Variants in COPS7A observed in about 807,000 individuals in gnomAD.
COPS7A encodes the protein COP9 signalosome complex subunit 7a.
COPS7A carries 20 observed loss-of-function variants against 35.2 expected under a neutral mutation model. That is an observed-to-expected ratio of 0.57 (90% CI 0.40 to 0.83). The LOEUF (loss-of-function observed/expected upper bound fraction) is 0.83. COPS7A is among the 40% of genes least tolerant of loss of function. The pLI, the probability that COPS7A is intolerant of heterozygous loss-of-function variation, is 0.00. For missense variants in COPS7A, 247 were observed against 347.5 expected, an observed-to-expected ratio of 0.71 and a Z score of 2.30; for synonymous variants, 139 against 141.4, an observed-to-expected ratio of 0.98 and a Z score of 0.12.
chr12:6,727,182 C>G (rs1362685697), intron 2 of COPS7A, among the ~76,000 whole-genome samples: 1 of 151,942 alleles, frequency 6.6e-6, no homozygotes, highest in Non-Finnish European at 1.5e-5. Context: ...ACTAAAAATA[C>G]AAAAATTAGC....
chr12:6,727,684 T>C (rs1941291290), intron 2 of COPS7A: 2 of 644,898 alleles, frequency 3.1e-6, no homozygotes, highest in South Asian at 3.0e-5. Flanking sequence ...AGGAATTGGA[T>C]GACGTATGGA....
rs941127841 is a variant in COPS7A at position 6,729,684 on chromosome 12, T to C, written c.530+235T>C. Among the ~76,000 whole-genome samples, 7 of 152,136 alleles carry C rather than the reference T, an allele frequency of 4.6e-5. No homozygotes were observed. Among genetic ancestry groups the C allele is most frequent in the African/African-American group, 1.7e-4 (7 of 41,422 alleles). ...GTTGGGGGAGGAAAAGGGAGTGGTATACTTAAGGGGATCCTAACCAGCAAG... is the reference window on the plus strand; with the variant it reads ...GTTGGGGGAGGAAAAGGGAGTGGTACACTTAAGGGGATCCTAACCAGCAAG... On this transcript the variant is annotated intron_variant, in intron 5 of 7. Coordinates refer to ENST00000543155, the MANE Select transcript of COPS7A (RefSeq NM_001164094.2). The surrounding 1 kb of genome is among the most constrained non-coding windows in gnomAD (Gnocchi z 4.2).
chr12:6,726,643 C>T (rs1381059124), intron 2 of COPS7A, among the ~76,000 whole-genome samples: 2 of 149,684 alleles, frequency 1.3e-5, no homozygotes, highest in African/African-American at 4.9e-5. Flanking sequence ...AACAAAAGCT[C>T]ATGTATCCCA....
At chr12:6,726,939 C>T (rs78738496) in intron 2 of COPS7A, among the ~76,000 whole-genome samples, 5,477 of 152,222 alleles carry the variant, frequency 0.036, 157 homozygotes, top group Middle Eastern at 0.092. Flanking sequence ...GTATTTCTTG[C>T]GAGGCAATTA....
chr12:6,727,336 C>A (rs1235412676), intron 2 of COPS7A, among the ~76,000 whole-genome samples: 1,636 of 87,710 alleles, frequency 0.019, no homozygotes, highest in Middle Eastern at 0.031. Flanking sequence ...GACTCTGTCT[C>A]AAAAAAAAAA....
At position 6,728,254 on chromosome 12, in the gene COPS7A, G is replaced by A. The variant is rs1006097754; in HGVS notation, c.270G>A (p.Glu90=). The A allele has an allele frequency of 6.2e-7, 1 of 1,614,054 alleles. No homozygotes were observed. The highest frequency in any genetic ancestry group is 1.3e-5 in the African/African-American group (1 of 74,918). ...CCCGGAATCTTCCTCCACTAACAGAGGCTCAGAAGAATAAGCTTCGACACC... is the reference window on the plus strand; with the variant it reads ...CCCGGAATCTTCCTCCACTAACAGAAGCTCAGAAGAATAAGCTTCGACACC... ...AEARNLPPLT[E]AQKNKLRHLS... Residue 90 remains glutamate, a synonymous_variant, in exon 4 of 8, where the codon GAG becomes GAA. Transcript: ENST00000543155.
In COPS7A at chr12:6,724,596, C is replaced by T; in HGVS notation, c.-43-18C>T. The T allele has an allele frequency of 2.5e-6, 4 of 1,606,310 alleles. No individual in the cohort carries two copies. Among genetic ancestry groups the T allele is most frequent in the Non-Finnish European group, 3.4e-6 (4 of 1,173,526 alleles). ...CAGCCATCGGGGACCTCTAGCTTCA[C>T]ATCCTCTTTCCTTGCAGCTCTGGAC... On this transcript the variant is annotated intron_variant, in intron 1 of 7. Coordinates refer to ENST00000543155, the MANE Select transcript of COPS7A (RefSeq NM_001164094.2).
Position 6,729,787 on chromosome 12 carries a change from C to CT in COPS7A, c.530+344dup, listed in dbSNP as rs770011717. 6.6e-6 allele frequency among the ~76,000 whole-genome samples: 1 copy of CT among 152,138 alleles called. No individual in the cohort carries two copies. Among genetic ancestry groups the CT allele is most frequent in the African/African-American group, 2.4e-5 (1 of 41,432 alleles). On this transcript the variant is annotated intron_variant, in intron 5 of 7. Transcript: ENST00000543155. The surrounding 1 kb of genome is among the most constrained non-coding windows in gnomAD (Gnocchi z 4.2). ...ATCCACAGGCCATGACCCTTTTCCT[C>CT]TTTTTTATTTTCTTTGTGTCCCCAT...
rs1941365931 is a variant in COPS7A, at chr12:6,730,526, A to C, written c.636+19A>C. Reference sequence around the variant, plus strand: ...GAGTGAGGTGAGCAGTCAGGGGAGCAGGCAGACCCAAACTCCTCCAGCCTG... The same window carrying C: ...GAGTGAGGTGAGCAGTCAGGGGAGCCGGCAGACCCAAACTCCTCCAGCCTG... On this transcript the variant is annotated intron_variant, in intron 6 of 7. Coordinates refer to ENST00000543155, the MANE Select transcript of COPS7A (RefSeq NM_001164094.2). 1 of 1,613,448 alleles carries C rather than the reference A, an allele frequency of 6.2e-7. No homozygotes were observed. The highest frequency in any genetic ancestry group is 1.7e-5 in the Admixed American group (1 of 59,986).
chr12:6,724,764 G>A lies in COPS7A; in HGVS notation c.108G>A (p.Glu36=), dbSNP rs1941208330. 1.2e-6 allele frequency: 2 copies of A among 1,614,186 alleles called. No individual in the cohort carries two copies. The highest frequency in any genetic ancestry group is 1.3e-5 in the African/African-American group (1 of 75,044). ...CCACACTCATCCATCAGGTGCTGGA[G>A]GCCCCTGGTGTCTACGTGTTTGGAG... ...ALATLIHQVL[E]APGVYVFGEL... is the part of the protein sequence containing the mutation. Residue 36 remains glutamate (E), a synonymous_variant, in exon 2 of 8, where the codon GAG becomes GAA. Coordinates refer to ENST00000543155, the MANE Select transcript of COPS7A (RefSeq NM_001164094.2).
In COPS7A at chr12:6,729,161, G is replaced by T. The variant is rs1309779072; in HGVS notation, c.328-86G>T. 7 of 1,406,314 alleles carry T rather than the reference G, an allele frequency of 5.0e-6. No individual in the cohort carries two copies. Among genetic ancestry groups the T allele is most frequent in the Admixed American group, 1.7e-5 (1 of 59,110 alleles). 87.1% of individuals were successfully genotyped at this position (1,406,314 alleles called of 1,614,324 possible). ...TGGGAGTGGAGGGCAGGTGGGCTAG[G>T]GCAGGGGGAAAAGGAGGGAAGATTT... On this transcript the variant is annotated intron_variant, in intron 4 of 7. Transcript: ENST00000543155. This position sits in a 1 kb window ranked among gnomAD's most constrained non-coding sequence, Gnocchi z 4.2.
rs1235638450 is a variant in COPS7A, at chr12:6,730,348, A to T, written c.531-54A>T. The T allele has an allele frequency of 3.2e-6, 5 of 1,551,128 alleles. No individual in the cohort carries two copies. The Admixed American group carries it at 5.0e-5, about 16-fold the overall frequency. On this transcript the variant is annotated intron_variant, in intron 5 of 7. Coordinates refer to ENST00000543155, the MANE Select transcript of COPS7A (RefSeq NM_001164094.2). ...GTTCTTTTTGAGTCAGTTTTCTGTGAGTCTGTGATCGCAGCCCTTGTCTGC... is the reference window on the plus strand; with the variant it reads ...GTTCTTTTTGAGTCAGTTTTCTGTGTGTCTGTGATCGCAGCCCTTGTCTGC...
At chr12:6,730,320 A>G (rs1007051018) in intron 5 of COPS7A, 82 bp from the exon 6 acceptor site, 1 of 1,344,552 alleles carries the variant, frequency 7.4e-7, no homozygotes, top group Non-Finnish European at 1.1e-6. Flanking sequence ...CCCTGCCTCT[A>G]GGGTTCTTTT....
chr12:6,724,479 A>C (rs1941198940), intron 1 of COPS7A, 135 bp from the exon 2 acceptor site: 2 of 768,164 alleles, frequency 2.6e-6, no homozygotes, highest in South Asian at 1.6e-5. Flanking sequence ...CCTAGATCAG[A>C]ATTTTAGACC....
At position 6,731,187 on chromosome 12, in the gene COPS7A, A is replaced by G. The variant is rs1445610068; in HGVS notation, c.*148A>G. On this transcript the variant is annotated 3_prime_UTR_variant, in exon 8 of 8. Coordinates refer to ENST00000543155, the MANE Select transcript of COPS7A (RefSeq NM_001164094.2). ...TCCCCTAACCCCAAACATAGATCAC[A>G]CCTTCTCTAGGGAGGAGGCAAATGT... 1.3e-6 allele frequency: 2 copies of G among 1,543,468 alleles called. No individual in the cohort carries two copies. Among genetic ancestry groups the G allele is most frequent in the Non-Finnish European group, 1.8e-6 (2 of 1,142,300 alleles).
chr12:6,724,890 G>A, intron 2 of COPS7A, 72 bp downstream of exon 2: 1 of 1,515,826 alleles, frequency 6.6e-7, no homozygotes, highest in Non-Finnish European at 9.1e-7. Context: ...GGTGGGCAGG[G>A]CTCATTTTGT....
Position 6,731,273 on chromosome 12 carries a change from G to A in COPS7A, c.*234G>A, listed in dbSNP as rs747105459. 2.2e-5 allele frequency: 32 copies of A among 1,440,880 alleles called. No individual in the cohort carries two copies. The African/African-American group carries it at 3.3e-4, about 15-fold the overall frequency. 89.3% of individuals were successfully genotyped at this position (1,440,880 alleles called of 1,614,324 possible). On this transcript the variant is annotated 3_prime_UTR_variant, in exon 8 of 8. Transcript: ENST00000543155. Reference sequence around the variant, plus strand: ...GACTTCATGTGTTCCATTGCTCCCCGCTGCCATGCTCTCTCCCTTGTTTCC... The same window carrying A: ...GACTTCATGTGTTCCATTGCTCCCCACTGCCATGCTCTCTCCCTTGTTTCC...
At chr12:6,727,636 C>T (rs986289443) in intron 2 of COPS7A, 20 of 551,976 alleles carry the variant, frequency 3.6e-5, no homozygotes, top group African/African-American at 1.9e-4. Flanking sequence ...GTCTGTTTGA[C>T]TCTGAAAACT....
chr12:6,725,657 G>A (rs921110390), intron 2 of COPS7A: 3 of 455,918 alleles, frequency 6.6e-6, no homozygotes, highest in Non-Finnish European at 1.3e-5. Context: ...GAGACACATG[G>A]CAAACTGCTA....
Sources: allele counts gnomAD v4.1 joint callset (sites outside exome capture counted in the v4.1 genomes callset), GRCh38; gene constraint gnomAD v4.1.1; non-coding constraint Gnocchi (gnomAD v3.1); transcripts MANE v1.5; gene names NCBI Gene and HGNC (gene_info 2026-07-23, HGNC 2026-07-21).